The following PKIB variants were observed in gnomAD, a reference collection of about 807,000 sequenced individuals.
PKIB encodes the protein PKI-beta.
In PKIB, 2 loss-of-function variants were observed where a neutral mutation model predicts 4.5. That is an observed-to-expected ratio of 0.44 (90% confidence interval 0.18 to 1.39). The LOEUF is 1.39. PKIB is among the 40% of genes most tolerant of loss of function. PKIB has a pLI of 0.27. For missense variants in PKIB, 94 were observed against 92.6 expected, an observed-to-expected ratio of 1.02 and a Z score of -0.06; for synonymous variants, 38 against 36.0, an observed-to-expected ratio of 1.06 and a Z score of -0.20.
chr6:122,705,238 A>G (rs928653094), intron 3 of PKIB, among the ~76,000 whole-genome samples: 2 of 152,188 alleles, frequency 1.3e-5, no homozygotes, highest in African/African-American at 4.8e-5. Flanking sequence ...CAATGACCAC[A>G]TTGATAATCA....
intron 2 of PKIB, among the ~76,000 whole-genome samples, chr6:122,671,336 G>A (rs907703716): frequency 2.6e-5 from 4 of 151,854 alleles, no homozygotes; most frequent in African/African-American, 9.7e-5. Context: ...ACTAGATTTA[G>A]TAGCTCATTG....
At chr6:122,703,100 G>A (rs17084752) in intron 3 of PKIB, among the ~76,000 whole-genome samples, 37,802 of 151,954 alleles carry the variant, frequency 0.25, 5,181 homozygotes, top group East Asian at 0.45. Flanking sequence ...CAATGTATCA[G>A]CTCTATTCTG....
chr6:122,607,533 G>A (rs1372969769), upstream of PKIB, among the ~76,000 whole-genome samples: 4 of 151,732 alleles, frequency 2.6e-5, no homozygotes, highest in Admixed American at 1.3e-4. Context: ...CAAACAACAC[G>A]TAGATCCCTG....
intron 2 of PKIB, among the ~76,000 whole-genome samples, chr6:122,561,990 T>TTGTG (rs1562251984): frequency 1.5e-4 from 18 of 123,030 alleles, no homozygotes; most frequent in East Asian, 5.9e-4. Flanking sequence ...TTTTGTTTGT[T>TTGTG]TTTGTTTTTT....
At chr6:122,703,064 A>G (rs17084747) in intron 3 of PKIB, among the ~76,000 whole-genome samples, 9,373 of 152,264 alleles carry the variant, frequency 0.062, 392 homozygotes, top group East Asian at 0.13. Context: ...GAAAGATTCA[A>G]TTGACTTCTC....
chr6:122,706,716 A>G (rs9482269), intron 3 of PKIB, among the ~76,000 whole-genome samples: 1 of 151,970 alleles, frequency 6.6e-6, no homozygotes, highest in South Asian at 2.1e-4. Flanking sequence ...CAAATTCTCA[A>G]TAAAGTGCTT....
chr6:122,696,971 C>T (rs995258672), intron 3 of PKIB, among the ~76,000 whole-genome samples: 5 of 152,174 alleles, frequency 3.3e-5, no homozygotes, highest in African/African-American at 9.6e-5. Flanking sequence ...CACCACCTGA[C>T]CCTGAAGAGA....
intron 1 of PKIB, among the ~76,000 whole-genome samples, chr6:122,620,467 T>A (rs1216845142): frequency 1.3e-5 from 2 of 152,230 alleles, no homozygotes; most frequent in African/African-American, 4.8e-5. Flanking sequence ...AGGCTAATAA[T>A]TCAGCTTTCC....
intron 3 of PKIB, among the ~76,000 whole-genome samples, chr6:122,605,079 G>T (rs1374691861): frequency 6.6e-6 from 1 of 152,164 alleles, no homozygotes; most frequent in East Asian, 1.9e-4. Context: ...TCACTAACTA[G>T]TAGCACAGTC....
chr6:122,714,396 A>T (rs1282780285), intron 3 of PKIB, among the ~76,000 whole-genome samples: 1 of 152,166 alleles, frequency 6.6e-6, no homozygotes, highest in African/African-American at 2.4e-5. Context: ...TTTCGATCTT[A>T]AAATAGTAGT....
intron 2 of PKIB, among the ~76,000 whole-genome samples, chr6:122,494,546 G>A (rs1308689253): frequency 6.6e-6 from 1 of 152,166 alleles, no homozygotes; most frequent in African/African-American, 2.4e-5. Context: ...TGATCAGCAA[G>A]TTTTACTAAT....
rs533671576 is a variant in PKIB at position 122,662,609 on chromosome 6, C to T, written c.-75-12469C>T. On this transcript the variant is annotated intron_variant, in intron 2 of 4. Coordinates refer to ENST00000368452, the MANE Select transcript of PKIB (RefSeq NM_181795.3). ...TGCTGGGATTACAGGCATCAGCCAC[C>T]GTGCTCGGCCTCTTTCTGATTTAAA... 3.3e-5 allele frequency among the ~76,000 whole-genome samples: 5 copies of T among 152,082 alleles called. No homozygotes were observed. In the South Asian group the frequency reaches 8.3e-4, roughly 25 times the overall value.
intron 3 of PKIB, among the ~76,000 whole-genome samples, chr6:122,679,571 A>T (rs866445922): frequency 1.3e-5 from 2 of 152,160 alleles, no homozygotes; most frequent in African/African-American, 2.4e-5. Context: ...CCATCCACAG[A>T]TTTAAAACCT....
intron 1 of PKIB, among the ~76,000 whole-genome samples, chr6:122,476,043 G>A (rs1775444484): frequency 6.6e-6 from 1 of 152,008 alleles, no homozygotes; most frequent in Non-Finnish European, 1.5e-5. Flanking sequence ...AAATAATCAG[G>A]TCATATTTTT....
intron 2 of PKIB, among the ~76,000 whole-genome samples, chr6:122,645,221 T>C (rs191827458): frequency 1.3e-5 from 2 of 152,366 alleles, no homozygotes; most frequent in East Asian, 1.9e-4. Context: ...GTTTTAATTA[T>C]TCTTAAAACC....
intron 2 of PKIB, among the ~76,000 whole-genome samples, chr6:122,560,688 G>T (rs900554656): frequency 1.3e-5 from 2 of 152,070 alleles, no homozygotes. Context: ...TTTGTTGGTG[G>T]TAATTTTTAA....
intron 2 of PKIB, among the ~76,000 whole-genome samples, chr6:122,633,879 A>G (rs1582759065): frequency 6.6e-6 from 1 of 152,288 alleles, no homozygotes; most frequent in East Asian, 1.9e-4. Flanking sequence ...TCAAGTTAAT[A>G]CTTGTTTGAG....
intron 3 of PKIB, among the ~76,000 whole-genome samples, chr6:122,680,957 C>T (rs981966633): frequency 6.6e-6 from 1 of 152,130 alleles, no homozygotes; most frequent in Non-Finnish European, 1.5e-5. Context: ...AACTGACCGA[C>T]TTCATCTTGT....
upstream of PKIB, among the ~76,000 whole-genome samples, chr6:122,605,392 GCT>G (rs1290971653): frequency 6.6e-5 from 10 of 152,320 alleles, no homozygotes; most frequent in East Asian, 1.9e-3. Flanking sequence ...GTCTCTGGCA[GCT>G]ACTTGAATAT....
Sources: gnomAD v4.1 joint callset for allele counts (sites outside exome capture counted in the v4.1 genomes callset) on GRCh38, gnomAD v4.1.1 for gene constraint, MANE v1.5 for transcripts, NCBI Gene and HGNC (gene_info 2026-07-23, HGNC 2026-07-21) for gene names.